TOM1L1: variants seen among roughly 807,000 people sequenced by gnomAD.
TOM1L1 encodes the protein target of myb1 like 1 membrane trafficking protein, also known as TOM1-like protein 1.
In TOM1L1, 64 loss-of-function variants were observed where a neutral mutation model predicts 63.4. The observed-to-expected ratio is 1.01, with a 90% CI of 0.83 to 1.24. The LOEUF (loss-of-function observed/expected upper bound fraction) is 1.24, where lower values mean the gene tolerates loss of function less well. Among genes scored for constraint, TOM1L1 ranks in the 50% most tolerant of loss-of-function variants. The pLI, the probability that TOM1L1 is intolerant of heterozygous loss-of-function variation, is 0.00. For missense variants in TOM1L1, 536 were observed against 567.0 expected, an observed-to-expected ratio of 0.95 and a Z score of 0.55; for synonymous variants, 166 against 194.4, an observed-to-expected ratio of 0.85 and a Z score of 1.22.
Position 54,949,770 on chromosome 17 carries a change from C to A in TOM1L1, c.1288+147C>A, listed in dbSNP as rs1428114242. On this transcript the variant is annotated intron_variant, in intron 13 of 15. Transcript: ENST00000575882. ...TAATGAAACAAATTCAGGGCAGATACCATTATGACTGACTTATAAGAGACT... is the reference window on the plus strand; with the variant it reads ...TAATGAAACAAATTCAGGGCAGATAACATTATGACTGACTTATAAGAGACT... 4.2e-6 allele frequency: 3 copies of A among 716,712 alleles called. No homozygotes were observed. The Admixed American group carries it at 7.7e-5, about 18-fold the overall frequency. The allele number at this position is 716,712 out of a possible 1,614,324, so 44.4% of individuals were successfully genotyped here.
chr17:54,919,997 T>G (rs112641262), intron 7 of TOM1L1, among the ~76,000 whole-genome samples: 13,697 of 151,798 alleles, frequency 0.09, 1,022 homozygotes, highest in African/African-American at 0.2. Context: ...TTTATTTATT[T>G]ATTTATTTAT....
rs1409000744 is a variant in TOM1L1 at position 54,936,720 on chromosome 17, A to G, written c.915+11A>G. Reference sequence around the variant, plus strand: ...AAGGAAGCCACCAATGTAAGTGATGAGAAATGTTATAAAATAAACAATTGA... The same window carrying G: ...AAGGAAGCCACCAATGTAAGTGATGGGAAATGTTATAAAATAAACAATTGA... On this transcript the variant is annotated intron_variant, in intron 9 of 15. Transcript: ENST00000575882. 1.9e-6 allele frequency: 3 copies of G among 1,599,250 alleles called. No individual in the cohort carries two copies. The South Asian group carries it at 3.4e-5, about 18-fold the overall frequency.
intron 14 of TOM1L1, chr17:54,959,242 G>A (rs2077044878): frequency 6.6e-6 from 1 of 152,128 alleles, no homozygotes; most frequent in Non-Finnish European, 1.5e-5. Context: ...CCTCAGCCAT[G>A]TTTTGCTATA....
chr17:54,961,007 C>T (rs1270593511), intron 15 of TOM1L1: 3 of 560,696 alleles, frequency 5.4e-6, no homozygotes, highest in Non-Finnish European at 9.4e-6. Flanking sequence ...TGAATTTTTC[C>T]TATTTTCAGC....
rs1273690573 is a variant in TOM1L1, at chr17:54,961,232, T to C, written c.*2-3T>C. The C allele has an allele frequency of 1.3e-6, 2 of 1,515,524 alleles. No homozygotes were observed. Among genetic ancestry groups the C allele is most frequent in the African/African-American group, 2.8e-5 (2 of 72,422 alleles). 93.9% of individuals were successfully genotyped at this position (1,515,524 alleles called of 1,614,324 possible). ...ACTGGCCATTTTCTTCTCTTTATTT[T>C]AGAAGAAAGTGGATGATCAGCTCAC... On this transcript the variant is annotated splice_polypyrimidine_tract_variant and splice_region_variant and intron_variant, in intron 15 of 15. Transcript: ENST00000575882.
At chr17:54,941,005 C>T (rs1183392095) in intron 11 of TOM1L1, among the ~76,000 whole-genome samples, 1 of 152,026 alleles carries the variant, frequency 6.6e-6, no homozygotes, top group Non-Finnish European at 1.5e-5. Flanking sequence ...TTTTCATTCC[C>T]TCTTCATCCT....
intron 11 of TOM1L1, among the ~76,000 whole-genome samples, chr17:54,940,086 A>C (rs191590490): frequency 2.6e-5 from 4 of 152,154 alleles, no homozygotes; most frequent in Admixed American, 2.0e-4. Context: ...AGTAGAGGTG[A>C]GGTTTTGCCG....
chr17:54,961,221 T>C lies in TOM1L1; in HGVS notation c.*2-14T>C. ...ACAGGATGAATACTGGCCATTTTCT[T>C]CTCTTTATTTTAGAAGAAAGTGGAT... is the stretch of plus-strand genomic sequence containing the variant. On this transcript the variant is annotated splice_polypyrimidine_tract_variant and intron_variant, in intron 15 of 15. Coordinates refer to ENST00000575882, the MANE Select transcript of TOM1L1 (RefSeq NM_005486.3). 1 of 1,498,168 alleles carries C rather than the reference T, an allele frequency of 6.7e-7. No homozygotes were observed. The highest frequency in any genetic ancestry group is 9.1e-7 in the Non-Finnish European group (1 of 1,098,128). 92.8% of individuals were successfully genotyped at this position (1,498,168 alleles called of 1,614,324 possible).
chr17:54,938,869 G>C (rs1384149691), intron 10 of TOM1L1, 55 bp from the exon 11 acceptor site: 1 of 1,010,168 alleles, frequency 9.9e-7, no homozygotes, highest in Non-Finnish European at 1.5e-6. Context: ...AGAAAATCCA[G>C]CATAACTGAC....
chr17:54,961,171 T>TA, intron 15 of TOM1L1, 64 bp from the exon 16 acceptor site: 1 of 1,121,042 alleles, frequency 8.9e-7, no homozygotes. Context: ...ACAAGAGAGT[T>TA]ATCAAGGAAT....
intron 3 of TOM1L1, among the ~76,000 whole-genome samples, chr17:54,911,386 C>T (rs1859714061): frequency 6.6e-6 from 1 of 152,166 alleles, no homozygotes. Context: ...TGATGACTCA[C>T]TTTTGGCCCT....
intron 7 of TOM1L1, among the ~76,000 whole-genome samples, chr17:54,927,031 T>C (rs1194830415): frequency 6.6e-6 from 1 of 152,130 alleles, no homozygotes; most frequent in Non-Finnish European, 1.5e-5. Context: ...GAAAGAAGAG[T>C]TGGAAGGACT....
chr17:54,918,396 C>T lies in TOM1L1; in HGVS notation c.720+2534C>T, dbSNP rs1459349085. ...TCTTAAGGAACTCATTGCCATGCCC[C>T]ACCCCACTGTTAATGGATATGAGTT... is the stretch of plus-strand genomic sequence containing the variant. On this transcript the variant is annotated intron_variant, in intron 7 of 15. Transcript: ENST00000575882. Among the ~76,000 whole-genome samples the T allele has an allele frequency of 2.0e-5, 3 of 152,216 alleles. No homozygotes were observed. In the East Asian group the frequency reaches 5.8e-4, roughly 29 times the overall value.
At chr17:54,946,971 T>TTATA in intron 11 of TOM1L1, among the ~76,000 whole-genome samples, 1 of 152,260 alleles carries the variant, frequency 6.6e-6, no homozygotes, top group East Asian at 1.9e-4. Context: ...CTATACTACT[T>TTATA]CTCATCCTTT....
chr17:54,958,067 T>A (rs8076984), intron 14 of TOM1L1: 1 of 152,062 alleles, frequency 6.6e-6, no homozygotes, highest in Non-Finnish European at 1.5e-5. Flanking sequence ...AAATGAGTAT[T>A]GTAGGCCCAA....
chr17:54,902,655 ATTC>A (rs1209348798), intron 1 of TOM1L1, among the ~76,000 whole-genome samples: 2 of 152,162 alleles, frequency 1.3e-5, no homozygotes, highest in Non-Finnish European at 2.9e-5. Flanking sequence ...GCAAGTCCTT[ATTC>A]TTCCCCTTCT....
intron 3 of TOM1L1, among the ~76,000 whole-genome samples, chr17:54,912,159 A>T (rs1051029223): frequency 6.6e-6 from 1 of 152,206 alleles, no homozygotes; most frequent in Admixed American, 6.5e-5. Flanking sequence ...GCTTCCAGTT[A>T]GCCTTTTCCA....
At chr17:54,913,188 A>G (rs2048523390) in intron 4 of TOM1L1, among the ~76,000 whole-genome samples, 1 of 152,236 alleles carries the variant, frequency 6.6e-6, no homozygotes, top group Admixed American at 6.5e-5. Context: ...GCAGCAAAAA[A>G]CAATTGATAG....
intron 8 of TOM1L1, among the ~76,000 whole-genome samples, chr17:54,935,566 C>A (rs9907961): frequency 1.3e-5 from 2 of 152,002 alleles, no homozygotes; most frequent in East Asian, 3.9e-4. Context: ...CCTGTGCTAT[C>A]TAGTTTTGCC....
Sources: allele counts gnomAD v4.1 joint callset (sites outside exome capture counted in the v4.1 genomes callset), GRCh38; gene constraint gnomAD v4.1.1; transcripts MANE v1.5; gene names NCBI Gene and HGNC (gene_info 2026-07-23, HGNC 2026-07-21).